PTPN1: variants seen among roughly 807,000 people sequenced by gnomAD.
PTPN1 encodes the protein tyrosine-protein phosphatase non-receptor type 1.
In PTPN1, 12 loss-of-function variants were observed where a neutral mutation model predicts 59.9. The ratio of observed to expected loss-of-function variants is 0.20; its 90% confidence interval spans 0.13 to 0.32. The LOEUF (loss-of-function observed/expected upper bound fraction) is 0.32. PTPN1 is among the 10% of genes least tolerant of loss of function. The probability of loss-of-function intolerance (pLI) is 1.00; values close to 1 mark genes in which losing one functional copy is unlikely to be tolerated. For synonymous variants in PTPN1, 178 were observed against 203.6 expected, an observed-to-expected ratio of 0.87 and a Z score of 1.07; for missense variants, 356 against 549.2, an observed-to-expected ratio of 0.65 and a Z score of 3.52.
At chr20:50,532,885 G>A (rs2122738537) in intron 1 of PTPN1, among the ~76,000 whole-genome samples, 1 of 152,272 alleles carries the variant, frequency 6.6e-6, no homozygotes, top group South Asian at 2.1e-4. Flanking sequence ...AGAGCCCTGA[G>A]AAATAGGATT....
At chr20:50,538,630 T>C (rs1301456590) in intron 1 of PTPN1, among the ~76,000 whole-genome samples, 1 of 152,262 alleles carries the variant, frequency 6.6e-6, no homozygotes, top group Non-Finnish European at 1.5e-5. Flanking sequence ...ATGTTATTTG[T>C]ATAATATGAG....
At chr20:50,528,377 A>C (rs2082586334) in intron 1 of PTPN1, among the ~76,000 whole-genome samples, 1 of 152,142 alleles carries the variant, frequency 6.6e-6, no homozygotes, top group African/African-American at 2.4e-5. Flanking sequence ...TGTTCTAGTC[A>C]TTTGTATCTC....
intron 1 of PTPN1, among the ~76,000 whole-genome samples, chr20:50,534,626 G>A (rs1205796346): frequency 6.6e-6 from 1 of 151,916 alleles, no homozygotes; most frequent in Non-Finnish European, 1.5e-5. Flanking sequence ...GTTAATATTT[G>A]TATCTATTCC....
chr20:50,533,829 C>A (rs1009759636), intron 1 of PTPN1, among the ~76,000 whole-genome samples: 6 of 152,128 alleles, frequency 3.9e-5, no homozygotes, highest in African/African-American at 1.4e-4. Context: ...TCCACAAGTG[C>A]CTTCTGGCAG....
intron 1 of PTPN1, among the ~76,000 whole-genome samples, chr20:50,558,632 A>G (rs535142490): frequency 7.2e-4 from 109 of 152,294 alleles, no homozygotes; most frequent in African/African-American, 2.3e-3. Flanking sequence ...CACAGCTGTC[A>G]TCTTGAGACT....
intron 1 of PTPN1, among the ~76,000 whole-genome samples, chr20:50,512,987 C>A (rs2082513785): frequency 6.6e-6 from 1 of 152,160 alleles, no homozygotes; most frequent in Admixed American, 6.5e-5. Flanking sequence ...TTGCTTACAA[C>A]TTGGTAAGCA....
In PTPN1 at chr20:50,582,965, G is replaced by C. The variant is rs2082876748; in HGVS notation, c.*250G>C. 3.5e-6 allele frequency: 2 copies of C among 575,244 alleles called. No homozygotes were observed. Among genetic ancestry groups the C allele is most frequent in the Non-Finnish European group, 6.2e-6 (2 of 320,082 alleles). The allele number at this position is 575,244 out of a possible 1,614,324, so 35.6% of individuals were successfully genotyped here. A position where few individuals can be genotyped will look rare whatever the true frequency, so the allele number is the denominator to read the frequency against. ...GCCATTTTTTGAGGAGAGTGAAAGAGAGTACCATGCTGGCGGCGCAGAGGG... is the reference window on the plus strand; with the variant it reads ...GCCATTTTTTGAGGAGAGTGAAAGACAGTACCATGCTGGCGGCGCAGAGGG... On this transcript the variant is annotated 3_prime_UTR_variant, in exon 10 of 10. Coordinates refer to ENST00000371621, the MANE Select transcript of PTPN1 (RefSeq NM_002827.4). This position sits in a 1 kb window ranked among gnomAD's most constrained non-coding sequence, Gnocchi z 4.2.
chr20:50,518,463 A>G (rs1319361783), intron 1 of PTPN1, among the ~76,000 whole-genome samples: 1 of 152,230 alleles, frequency 6.6e-6, no homozygotes, highest in Non-Finnish European at 1.5e-5. Flanking sequence ...CTTTTCAAAT[A>G]GTCAGGGCTT....
At chr20:50,580,872 A>C (rs1260666500) in intron 8 of PTPN1, among the ~76,000 whole-genome samples, 5 of 152,222 alleles carry the variant, frequency 3.3e-5, no homozygotes, top group Non-Finnish European at 7.3e-5. Flanking sequence ...TGTAGCTCTT[A>C]AAGAATGAGA....
At chr20:50,546,884 A>C (rs772783504) in intron 1 of PTPN1, among the ~76,000 whole-genome samples, 3 of 152,318 alleles carry the variant, frequency 2.0e-5, no homozygotes, top group South Asian at 2.1e-4. Context: ...TCCTTAGTCA[A>C]CTGTACCACT....
rs1338688841 is a variant in PTPN1, at chr20:50,581,427, G to A, written c.1251G>A (p.Thr417=). 6.2e-6 allele frequency: 10 copies of A among 1,612,954 alleles called. No individual in the cohort carries two copies. The Admixed American group carries it at 8.3e-5, about 13-fold the overall frequency. ...KPFLVNMCVA[T]VLTAGAYLCY... ...TCCTGGTCAACATGTGCGTGGCTAC[G>A]GTCCTCACGGCCGGCGCTTACCTCT... The change falls in exon 9 of 10, where the codon ACG becomes ACA. Residue 417 remains threonine (T), a synonymous_variant. Transcript: ENST00000371621.
chr20:50,570,791 C>T (rs2122790804), intron 4 of PTPN1, among the ~76,000 whole-genome samples: 1 of 152,280 alleles, frequency 6.6e-6, no homozygotes, highest in South Asian at 2.1e-4. Flanking sequence ...CCTCTATCCA[C>T]CAGATGCCAG....
chr20:50,550,806 A>G (rs1396398036), intron 1 of PTPN1, among the ~76,000 whole-genome samples: 2 of 152,210 alleles, frequency 1.3e-5, no homozygotes, highest in Admixed American at 6.5e-5. Context: ...TGCTGCCTCT[A>G]CTTCTTCACT....
intron 1 of PTPN1, among the ~76,000 whole-genome samples, chr20:50,555,831 C>T (rs1204986673): frequency 6.6e-6 from 1 of 151,660 alleles, no homozygotes; most frequent in East Asian, 1.9e-4. Context: ...ACTGTTATTT[C>T]GGCCCTTATT....
In PTPN1 at chr20:50,581,240, C is replaced by G. The variant is rs80098009; in HGVS notation, c.1089-25C>G. ...ATTCATTTTCTCCAAAGTGAGTAAC[C>G]CATCTCTGCCCTCTGATTCCTCAGC... On this transcript the variant is annotated intron_variant, in intron 8 of 9. Coordinates refer to ENST00000371621, the MANE Select transcript of PTPN1 (RefSeq NM_002827.4). The G allele has an allele frequency of 1.7e-3, 2,713 of 1,570,302 alleles. 41 individuals are homozygous for G. In the African/African-American group the frequency reaches 0.032, roughly 18 times the overall value.
Position 50,579,743 on chromosome 20 carries a change from C to T in PTPN1, c.905C>T (p.Pro302Leu), listed in dbSNP as rs749433251. 3.7e-6 allele frequency: 6 copies of T among 1,612,980 alleles called. No homozygotes were observed. The highest frequency in any genetic ancestry group is 4.5e-5 in the East Asian group (2 of 44,892). ...CTTTCCCACGAGGACCTGGAGCCCC[C>T]ACCCGAGCATATCCCCCCACCTCCC... ...KELSHEDLEP[P>L]PEHIPPPPRP... is the part of the protein sequence containing the mutation. The change falls in exon 8 of 10, where the codon CCA (proline) becomes CTA (leucine). Residue 302 changes from proline to leucine, a missense_variant. By Grantham distance (98) the Pro-to-Leu change is moderately conservative. This residue lies in a region of PTPN1 where 100 missense variants were observed against 107.7 expected (regional missense o/e 0.93). Transcript: ENST00000371621.
In PTPN1 at chr20:50,525,458, G is replaced by A. The variant is rs16995279; in HGVS notation, c.63+14868G>A. On this transcript the variant is annotated intron_variant, in intron 1 of 9. Transcript: ENST00000371621. ...CATTCACACATTTATTAAATTCTTC[G>A]CTTGCCATATAGAAGCAGTCTCTCT... 7.3e-3 allele frequency among the ~76,000 whole-genome samples: 1,104 copies of A among 152,252 alleles called. 12 individuals are homozygous for A. Among genetic ancestry groups the A allele is most frequent in the African/African-American group, 0.025 (1,045 of 41,544 alleles).
At chr20:50,563,074 C>A (rs2082760501) in intron 2 of PTPN1, 1 of 141,750 alleles carries the variant, frequency 7.1e-6, no homozygotes. Flanking sequence ...TTCTTTGTTC[C>A]TTCTCCATCC....
intron 4 of PTPN1, chr20:50,571,102 T>C (rs1478479355): frequency 2.0e-5 from 3 of 152,258 alleles, no homozygotes; most frequent in Non-Finnish European, 4.4e-5. Context: ...GCTGTAGTTA[T>C]GTATTTGAGC....
Sources: gnomAD v4.1 joint callset for allele counts (sites outside exome capture counted in the v4.1 genomes callset) on GRCh38, gnomAD v4.1.1 for gene constraint, gnomAD v4.1.1 regional missense constraint, Gnocchi (gnomAD v3.1) non-coding constraint, MANE v1.5 for transcripts, NCBI Gene and HGNC (gene_info 2026-07-23, HGNC 2026-07-21) for gene names.